Variants in THSD7B observed in about 807,000 individuals in gnomAD.
THSD7B encodes the protein thrombospondin type 1 domain containing 7B.
A neutral mutation model predicts 213.6 loss-of-function variants in THSD7B; 138 were observed. That is an observed-to-expected ratio of 0.65 (90% confidence interval 0.56 to 0.74). THSD7B has a LOEUF of 0.74. THSD7B is among the 30% of genes least tolerant of loss of function. The pLI, the probability that THSD7B is intolerant of heterozygous loss-of-function variation, is 0.00. For missense variants in THSD7B, 1,931 were observed against 1,991.5 expected, an observed-to-expected ratio of 0.97 and a Z score of 0.58; for synonymous variants, 742 against 687.0, an observed-to-expected ratio of 1.08 and a Z score of -1.25.
At chr2:137,173,219 G>A (rs920365723) in intron 7 of THSD7B, among the ~76,000 whole-genome samples, 1 of 152,076 alleles carries the variant, frequency 6.6e-6, no homozygotes, top group African/African-American at 2.4e-5. Context: ...ATTCTACCCG[G>A]TCCTGAAGAA....
At chr2:137,466,377 TAATG>T (rs1293630124) in intron 15 of THSD7B, among the ~76,000 whole-genome samples, 1 of 152,194 alleles carries the variant, frequency 6.6e-6, no homozygotes, top group East Asian at 1.9e-4. Flanking sequence ...GTATTGATAA[TAATG>T]CTCTGGATCA....
intron 2 of THSD7B, among the ~76,000 whole-genome samples, chr2:136,885,247 C>T (rs1371230381): frequency 6.6e-6 from 1 of 151,882 alleles, no homozygotes; most frequent in African/African-American, 2.4e-5. Flanking sequence ...TATTGTTCCC[C>T]ACCCCCACAC....
intron 7 of THSD7B, among the ~76,000 whole-genome samples, chr2:137,172,412 A>C (rs552805099): frequency 6.6e-6 from 1 of 152,248 alleles, no homozygotes; most frequent in South Asian, 2.1e-4. Flanking sequence ...TGGGTTAATT[A>C]TTGATCCTAC....
intron 12 of THSD7B, among the ~76,000 whole-genome samples, chr2:137,348,430 A>G (rs1289738591): frequency 6.6e-6 from 1 of 151,846 alleles, no homozygotes; most frequent in East Asian, 1.9e-4. Flanking sequence ...GCAGTGTTCA[A>G]TCCATTTTGT....
At chr2:137,090,705 T>A (rs1297436185) in intron 3 of THSD7B, among the ~76,000 whole-genome samples, 3 of 152,204 alleles carry the variant, frequency 2.0e-5, no homozygotes, top group African/African-American at 7.2e-5. Flanking sequence ...ATTAAGAAGA[T>A]ACATGATTTT....
At chr2:137,272,664 C>T in the THSD7B span, 25,675 of 1,609,872 alleles carry the variant, frequency 0.016, 579 homozygotes, top group East Asian at 0.091. Context: ...TGTATATCGG[C>T]AAGTAGTTAC....
At chr2:137,013,355 A>G (rs985496685) in intron 2 of THSD7B, among the ~76,000 whole-genome samples, 4 of 152,178 alleles carry the variant, frequency 2.6e-5, no homozygotes, top group African/African-American at 9.7e-5. Flanking sequence ...TTTCCAAGTC[A>G]CAGCACAAAG....
At chr2:137,463,792 T>C (rs1034148700) in intron 15 of THSD7B, among the ~76,000 whole-genome samples, 1 of 152,100 alleles carries the variant, frequency 6.6e-6, no homozygotes. Context: ...GATAGACATA[T>C]ATGTAACAAA....
intron 6 of THSD7B, among the ~76,000 whole-genome samples, chr2:137,168,709 C>T (rs765227087): frequency 6.6e-6 from 1 of 152,158 alleles, no homozygotes; most frequent in Non-Finnish European, 1.5e-5. Context: ...GGCTAGTTGT[C>T]AAACAGTGTA....
At chr2:137,219,819 A>G (rs1681326978) in intron 7 of THSD7B, among the ~76,000 whole-genome samples, 1 of 151,720 alleles carries the variant, frequency 6.6e-6, no homozygotes, top group Non-Finnish European at 1.5e-5. Context: ...CACCTTCATC[A>G]TGGTGCATTA....
At chr2:137,199,564 CT>C (rs1446711792) in intron 7 of THSD7B, among the ~76,000 whole-genome samples, 11 of 152,080 alleles carry the variant, frequency 7.2e-5, no homozygotes, top group Admixed American at 6.6e-4. Context: ...ATCAGATCTA[CT>C]TGGTTTTGTG....
At chr2:137,310,453 T>C (rs1384507629) in intron 12 of THSD7B, among the ~76,000 whole-genome samples, 3 of 149,558 alleles carry the variant, frequency 2.0e-5, no homozygotes, top group Non-Finnish European at 4.4e-5. Flanking sequence ...ATTTTGTAGG[T>C]TGCCTGTTCA....
intron 3 of THSD7B, among the ~76,000 whole-genome samples, chr2:137,083,027 A>G (rs1169700747): frequency 6.6e-6 from 1 of 152,020 alleles, no homozygotes; most frequent in Non-Finnish European, 1.5e-5. Context: ...TTAAAACATA[A>G]TTTCATCCTG....
chr2:136,962,614 C>CT (rs1322828235), intron 2 of THSD7B, among the ~76,000 whole-genome samples: 4 of 151,878 alleles, frequency 2.6e-5, no homozygotes, highest in African/African-American at 9.7e-5. Flanking sequence ...AAAACAGTCT[C>CT]TGAGGGCAGG....
At chr2:137,005,036 G>T (rs1214432614) in intron 2 of THSD7B, among the ~76,000 whole-genome samples, 3 of 152,120 alleles carry the variant, frequency 2.0e-5, no homozygotes, top group African/African-American at 7.2e-5. Flanking sequence ...AACAAACATA[G>T]TCTTATTAAA....
intron 2 of THSD7B, among the ~76,000 whole-genome samples, chr2:137,005,915 T>C (rs1284522995): frequency 6.6e-6 from 1 of 152,238 alleles, no homozygotes; most frequent in African/African-American, 2.4e-5. Flanking sequence ...TGCATATACG[T>C]ATGTGTCTGT....
At chr2:137,600,903 C>A (rs1028251096) in intron 17 of THSD7B, among the ~76,000 whole-genome samples, 4 of 152,158 alleles carry the variant, frequency 2.6e-5, no homozygotes, top group African/African-American at 9.6e-5. Flanking sequence ...TGGAAGACAG[C>A]AAAATTGATG....
intron 2 of THSD7B, among the ~76,000 whole-genome samples, chr2:136,974,066 T>C (rs1226673948): frequency 6.6e-6 from 1 of 152,244 alleles, no homozygotes; most frequent in African/African-American, 2.4e-5. Context: ...GAACTTGATA[T>C]TTATTTTCAT....
chr2:137,112,386 T>C (rs532380511), intron 4 of THSD7B, among the ~76,000 whole-genome samples: 1 of 152,228 alleles, frequency 6.6e-6, no homozygotes, highest in African/African-American at 2.4e-5. Flanking sequence ...GCAATAGTGA[T>C]AAATGTCTTC....
Sources: gnomAD v4.1 joint callset for allele counts (sites outside exome capture counted in the v4.1 genomes callset) on GRCh38, gnomAD v4.1.1 for gene constraint, MANE v1.5 for transcripts, NCBI Gene and HGNC (gene_info 2026-07-23, HGNC 2026-07-21) for gene names.